The following MTMR10 variants were observed in gnomAD, a reference collection of about 807,000 sequenced individuals.
The protein encoded by MTMR10 is myotubularin-related protein 10.
Under a neutral mutation model 88.1 loss-of-function variants are expected in MTMR10, and 56 were observed. The ratio of observed to expected loss-of-function variants is 0.64; its 90% confidence interval spans 0.51 to 0.79. The LOEUF (loss-of-function observed/expected upper bound fraction) is 0.79, where lower values mean the gene tolerates loss of function less well. MTMR10 is among the 30% of genes least tolerant of loss of function. The pLI is 0.00. For missense variants in MTMR10, 883 were observed against 924.7 expected (o/e 0.95, Z 0.58); for synonymous variants, 380 against 340.9 (o/e 1.11, Z -1.26).
chr15:30,919,033 A>T, the MTMR10 span, among the ~76,000 whole-genome samples: 1 of 152,194 alleles, frequency 6.6e-6, no homozygotes, highest in Non-Finnish European at 1.5e-5. Context: ...TATATGCATT[A>T]TATGCTGTAT....
chr15:30,926,041 TGCTCA>T, the MTMR10 span: 3 of 1,180,566 alleles, frequency 2.5e-6, no homozygotes, highest in East Asian at 7.1e-5. Context: ...CTCTGTCCTC[TGCTCA>T]CAGTGGAAGA....
chr15:30,978,101 A>G (rs1349258242), intron 2 of MTMR10, among the ~76,000 whole-genome samples: 1 of 152,064 alleles, frequency 6.6e-6, no homozygotes, highest in Non-Finnish European at 1.5e-5. Flanking sequence ...GCTTCTTCCC[A>G]TTTCATGGAA....
intron 6 of MTMR10, among the ~76,000 whole-genome samples, chr15:30,962,330 G>C (rs1451277467): frequency 1.3e-5 from 2 of 152,164 alleles, no homozygotes; most frequent in Non-Finnish European, 2.9e-5. Context: ...TCTGGCCCAG[G>C]GTCTTTCTGC....
At chr15:30,926,653 CAGAG>C in the MTMR10 span, 6 of 985,184 alleles carry the variant, frequency 6.1e-6, no homozygotes, top group African/African-American at 1.7e-5. Flanking sequence ...CCAGTGAAGA[CAGAG>C]AGATACAGTA....
At chr15:30,978,688 C>T in intron 2 of MTMR10, among the ~76,000 whole-genome samples, 1 of 152,078 alleles carries the variant, frequency 6.6e-6, no homozygotes. Context: ...AGGATTTGCA[C>T]CCAAAGAGGT....
chr15:30,927,967 C>G, the MTMR10 span: 34 of 985,676 alleles, frequency 3.4e-5, no homozygotes, highest in Middle Eastern at 2.1e-3. Flanking sequence ...AGTGGGTGAT[C>G]TTTAAGGCCA....
intron 9 of MTMR10, among the ~76,000 whole-genome samples, chr15:30,956,736 A>G (rs1178349200): frequency 4.6e-5 from 7 of 152,242 alleles, no homozygotes; most frequent in Non-Finnish European, 1.5e-5. Flanking sequence ...AAAAGGCATT[A>G]AAGTAATTTT....
rs1267509809 is a variant in MTMR10, at chr15:30,938,994, C to T, written c.*2476G>A. 26 of 985,198 alleles carry T rather than the reference C, an allele frequency of 2.6e-5. No homozygotes were observed. The South Asian group carries it at 1.1e-3, about 41-fold the overall frequency. 61.0% of individuals were successfully genotyped at this position (985,198 alleles called of 1,614,324 possible). ...ATCAAAATTTCCTTCACATTCAATA[C>T]TGTTGAACAACAAGATAACACATCT... is the stretch of plus-strand genomic sequence containing the variant. On this transcript the variant is annotated 3_prime_UTR_variant, in exon 16 of 16. Transcript: ENST00000435680.
At chr15:30,949,065 T>G (rs1468891943) in intron 12 of MTMR10, 2 of 152,360 alleles carry the variant, frequency 1.3e-5, no homozygotes, top group African/African-American at 4.8e-5. Flanking sequence ...GAATGCAAAG[T>G]TGGTTTAACA....
intron 2 of MTMR10, among the ~76,000 whole-genome samples, chr15:30,989,442 T>G (rs541467128): frequency 7.0e-4 from 106 of 152,320 alleles, no homozygotes; most frequent in Admixed American, 1.8e-3. Flanking sequence ...ATTTTGTCCC[T>G]ATATAATATT....
chr15:30,920,492 C>A, the MTMR10 span: 9 of 1,134,106 alleles, frequency 7.9e-6, no homozygotes, highest in Non-Finnish European at 1.2e-5. Flanking sequence ...TTATTATTGT[C>A]TTATAATAAA....
chr15:30,963,692 G>A (rs71420535), intron 6 of MTMR10, among the ~76,000 whole-genome samples: 7 of 151,530 alleles, frequency 4.6e-5, no homozygotes, highest in African/African-American at 1.5e-4. Context: ...TAGATAGATA[G>A]TAAAATGCTC....
the MTMR10 span, chr15:30,922,173 A>G: frequency 6.3e-7 from 1 of 1,578,094 alleles, no homozygotes; most frequent in Non-Finnish European, 8.6e-7. Flanking sequence ...TGGGCTTGTA[A>G]ATATCATTGC....
intron 14 of MTMR10, 180 bp downstream of exon 14, chr15:30,946,950 T>C (rs2063180076): frequency 2.5e-6 from 2 of 815,390 alleles, no homozygotes; most frequent in African/African-American, 3.5e-5. Flanking sequence ...TGTTCATTCA[T>C]AAAAATAATT....
At chr15:30,920,041 G>A in the MTMR10 span, among the ~76,000 whole-genome samples, 1 of 152,176 alleles carries the variant, frequency 6.6e-6, no homozygotes, top group African/African-American at 2.4e-5. Flanking sequence ...GGCTTTGCAG[G>A]CCATATGGTT....
At chr15:30,963,684 G>GATAGATAC (rs2063437510) in intron 6 of MTMR10, among the ~76,000 whole-genome samples, 2 of 152,038 alleles carry the variant, frequency 1.3e-5, no homozygotes, top group African/African-American at 2.4e-5. Context: ...TAGATAGATA[G>GATAGATAC]ATAGATAGTA....
At chr15:30,942,841 TG>T in intron 15 of MTMR10, 48 bp downstream of exon 15, 1 of 1,482,300 alleles carries the variant, frequency 6.7e-7, no homozygotes, top group Non-Finnish European at 9.1e-7. Flanking sequence ...GAAAAAGAGG[TG>T]TTTGGTTACG....
chr15:30,928,179 T>A, the MTMR10 span: 1 of 1,011,068 alleles, frequency 9.9e-7, no homozygotes, highest in Non-Finnish European at 1.2e-6. Flanking sequence ...ATGGGGATTC[T>A]GTGCCAGCCC....
the MTMR10 span, among the ~76,000 whole-genome samples, chr15:30,929,937 AAT>A: frequency 3.3e-3 from 359 of 109,170 alleles, 5 homozygotes; most frequent in Middle Eastern, 0.013. Context: ...TAATATATAA[AAT>A]ATATAATATA....
Sources: allele counts gnomAD v4.1 joint callset (sites outside exome capture counted in the v4.1 genomes callset), GRCh38; gene constraint gnomAD v4.1.1; transcripts MANE v1.5; gene names NCBI Gene and HGNC (gene_info 2026-07-23, HGNC 2026-07-21).